Variants in ABCB1 observed in about 807,000 individuals in gnomAD.
The protein encoded by ABCB1 is ATP-dependent translocase ABCB1.
A neutral mutation model predicts 142.0 loss-of-function variants in ABCB1; 69 were observed. The observed-to-expected ratio is 0.49, with a 90% CI of 0.40 to 0.59. The LOEUF is 0.59. Among genes scored for constraint, ABCB1 ranks in the 20% least tolerant of loss-of-function variants. The pLI, the probability that ABCB1 is intolerant of heterozygous loss-of-function variation, is 0.00. For missense variants in ABCB1, 1,326 were observed against 1,554.7 expected (o/e 0.85, Z 2.47); for synonymous variants, 532 against 539.2 (o/e 0.99, Z 0.18).
At chr7:87,507,638 G>A (rs1325528953) in intron 26 of ABCB1, among the ~76,000 whole-genome samples, 2 of 152,188 alleles carry the variant, frequency 1.3e-5, no homozygotes, top group Non-Finnish European at 2.9e-5. Context: ...TATGGAAGAA[G>A]GGAATCTTGG....
chr7:87,575,526 C>T (rs1034828729), intron 4 of ABCB1, among the ~76,000 whole-genome samples: 1 of 152,080 alleles, frequency 6.6e-6, no homozygotes, highest in African/African-American at 2.4e-5. Context: ...CCAGGAACTT[C>T]CGTTTTTTTT....
At chr7:87,685,516 A>C (rs1827369252) in intron 1 of ABCB1, among the ~76,000 whole-genome samples, 1 of 152,146 alleles carries the variant, frequency 6.6e-6, no homozygotes, top group Non-Finnish European at 1.5e-5. Context: ...AAGGAAAAAA[A>C]ATTTCCACAC....
chr7:87,507,122 G>T (rs1034692618), intron 26 of ABCB1, among the ~76,000 whole-genome samples: 4 of 152,174 alleles, frequency 2.6e-5, no homozygotes, highest in African/African-American at 9.6e-5. Context: ...TAATCACTTA[G>T]GAGAAGTGGA....
intron 1 of ABCB1, chr7:87,693,882 T>C: frequency 6.3e-7 from 1 of 1,596,860 alleles, no homozygotes; most frequent in African/African-American, 1.3e-5. Context: ...TATCTGTGTG[T>C]TGTTGTTGTT....
At chr7:87,625,871 C>A (rs754245947) in intron 1 of ABCB1, among the ~76,000 whole-genome samples, 84 of 151,658 alleles carry the variant, frequency 5.5e-4, no homozygotes, top group Non-Finnish European at 9.6e-4. Flanking sequence ...AGTGTAAAGT[C>A]TGACTAAATT....
In ABCB1 at chr7:87,504,414, G is replaced by C; in HGVS notation, c.3672C>G (p.Gly1224=). 6.2e-7 allele frequency: 1 copy of C among 1,614,086 alleles called. No individual in the cohort carries two copies. Among genetic ancestry groups the C allele is most frequent in the East Asian group, 2.2e-5 (1 of 44,880 alleles). ...GGTGAGCAATCACAATGCAGGTGCG[G>C]CCTTCTCTGGCTTTGTCCAGGGCTT... ...VQEALDKARE[G]RTCIVIAHRL... Residue 1224 remains glycine (G), a synonymous_variant, in exon 28 of 28, where the codon GGC becomes GGG. Coordinates refer to ENST00000622132, the MANE Select transcript of ABCB1 (RefSeq NM_001348946.2).
intron 1 of ABCB1, among the ~76,000 whole-genome samples, chr7:87,613,892 A>G (rs1445749342): frequency 6.6e-6 from 1 of 152,188 alleles, no homozygotes; most frequent in Non-Finnish European, 1.5e-5. Flanking sequence ...CATAAAACCT[A>G]TGTTCCTTTA....
At chr7:87,627,381 A>G (rs1820730754) in intron 1 of ABCB1, among the ~76,000 whole-genome samples, 1 of 152,222 alleles carries the variant, frequency 6.6e-6, no homozygotes, top group African/African-American at 2.4e-5. Flanking sequence ...GAGCCACTGA[A>G]GCCGTGAAAT....
rs753189166 is a variant in ABCB1, at chr7:87,700,560, A to G, written c.-331+12601T>C. The G allele has an allele frequency of 3.7e-6, 6 of 1,603,520 alleles. No individual in the cohort carries two copies. In the South Asian group the frequency reaches 6.9e-5, roughly 18 times the overall value. ...TCAGTTCTTCTAGAGCTAAGGTAAG[A>G]CATTGGTCAGAGACTCGTTTCTATT... On this transcript the variant is annotated intron_variant, in intron 1 of 28. Transcript: ENST00000265724.
At position 87,553,901 on chromosome 7, in the gene ABCB1, T is replaced by C. The variant is rs774696910; in HGVS notation, c.859A>G (p.Ile287Val). Residue 287 changes from isoleucine to valine, a missense_variant, in exon 9 of 28, where the codon ATT becomes GTT. Ile to Val is a conservative substitution (Grantham distance 29). Coordinates refer to ENST00000622132, the MANE Select transcript of ABCB1 (RefSeq NM_001348946.2). ...GCTGTAATAGCTTTCTTTATCCCAA[T>C]TCTTTTAGCTTCTTCTAAATTTTTG... is the stretch of plus-strand genomic sequence containing the variant. The part of the protein sequence containing the change: ...YNKNLEEAKR[I>V]GIKKAITANI... The C allele has an allele frequency of 1.5e-5, 24 of 1,613,890 alleles. No homozygotes were observed. In the South Asian group the frequency reaches 2.2e-4, roughly 15 times the overall value.
intron 1 of ABCB1, among the ~76,000 whole-genome samples, chr7:87,632,176 G>A (rs548489520): frequency 6.6e-6 from 1 of 150,382 alleles, no homozygotes; most frequent in African/African-American, 2.4e-5. Flanking sequence ...TCACAGTAAT[G>A]TTTTTCCTTA....
intron 8 of ABCB1, among the ~76,000 whole-genome samples, chr7:87,557,987 T>C (rs1817374934): frequency 6.6e-6 from 1 of 152,172 alleles, no homozygotes; most frequent in Admixed American, 6.5e-5. Flanking sequence ...CTCAGTATAT[T>C]AAGCAACACA....
At chr7:87,707,943 A>T (rs556676845) in intron 1 of ABCB1, among the ~76,000 whole-genome samples, 2 of 152,230 alleles carry the variant, frequency 1.3e-5, no homozygotes, top group South Asian at 4.1e-4. Context: ...ATGAAAAAAT[A>T]AATCACAATT....
intron 4 of ABCB1, among the ~76,000 whole-genome samples, chr7:87,577,283 G>A (rs569461822): frequency 6.6e-6 from 1 of 152,228 alleles, no homozygotes; most frequent in Non-Finnish European, 1.5e-5. Context: ...TCCATTGTGT[G>A]TATGTATCAT....
chr7:87,543,299 TAAC>T (rs1816623620), intron 17 of ABCB1, among the ~76,000 whole-genome samples: 1 of 152,010 alleles, frequency 6.6e-6, no homozygotes, highest in Admixed American at 6.6e-5. Flanking sequence ...CAAAAAATAA[TAAC>T]AATTCTTGAA....
intron 1 of ABCB1, among the ~76,000 whole-genome samples, chr7:87,677,321 T>A (rs1826472083): frequency 1.5e-5 from 2 of 135,982 alleles, no homozygotes; most frequent in African/African-American, 5.7e-5. Flanking sequence ...CACAATGGAA[T>A]ACCATTTCAG....
At chr7:87,515,153 T>C in intron 25 of ABCB1, 78 bp downstream of exon 25, 1 of 1,550,082 alleles carries the variant, frequency 6.5e-7, no homozygotes, top group Non-Finnish European at 8.8e-7. Context: ...AAAACATGGC[T>C]TATAGTTGAG....
intron 1 of ABCB1, among the ~76,000 whole-genome samples, chr7:87,688,021 C>G (rs1190126633): frequency 2.6e-5 from 4 of 152,066 alleles, no homozygotes; most frequent in Non-Finnish European, 5.9e-5. Flanking sequence ...CCAATAAAAT[C>G]CCATATACTC....
intron 8 of ABCB1, among the ~76,000 whole-genome samples, chr7:87,554,486 C>T (rs1485114695): frequency 2.0e-5 from 3 of 152,174 alleles, no homozygotes; most frequent in Non-Finnish European, 2.9e-5. Context: ...TTCTGAATTG[C>T]CATGTAATAC....
Sources: gnomAD v4.1 joint callset for allele counts (sites outside exome capture counted in the v4.1 genomes callset) on GRCh38, gnomAD v4.1.1 for gene constraint, MANE v1.5 for transcripts, NCBI Gene and HGNC (gene_info 2026-07-23, HGNC 2026-07-21) for gene names.